The following NTM variants were observed in gnomAD, a reference collection of about 807,000 sequenced individuals.
NTM encodes IgLON family member 2.
Under a neutral mutation model 42.1 loss-of-function variants are expected in NTM, and 13 were observed. That is an observed-to-expected ratio of 0.31 (90% CI 0.20 to 0.49). The LOEUF (loss-of-function observed/expected upper bound fraction) is 0.49, where lower values mean the gene tolerates loss of function less well. Among genes scored for constraint, NTM ranks in the 20% least tolerant of loss-of-function variants. The pLI is 0.99. For synonymous variants in NTM, 187 were observed against 179.2 expected (o/e 1.04, Z -0.35); for missense variants, 373 against 452.8 (o/e 0.82, Z 1.60).
intron 1 of NTM, among the ~76,000 whole-genome samples, chr11:131,544,325 C>T (rs182103512): frequency 1.3e-5 from 2 of 152,278 alleles, no homozygotes; most frequent in East Asian, 1.9e-4. Flanking sequence ...TCCCTTCGTC[C>T]TCTGGGGAAG....
At chr11:131,754,670 C>A (rs1369793468) in intron 1 of NTM, among the ~76,000 whole-genome samples, 3 of 151,884 alleles carry the variant, frequency 2.0e-5, no homozygotes, top group Non-Finnish European at 4.4e-5. Context: ...ATAACCCAAC[C>A]ATTTCACATC....
At chr11:131,867,986 C>T (rs1020264343) in intron 1 of NTM, among the ~76,000 whole-genome samples, 2 of 152,068 alleles carry the variant, frequency 1.3e-5, no homozygotes, top group Non-Finnish European at 2.9e-5. Context: ...GAGAGGAAAC[C>T]CCAAACACAC....
chr11:131,619,524 G>A (rs1043464465), intron 1 of NTM, among the ~76,000 whole-genome samples: 1 of 152,202 alleles, frequency 6.6e-6, no homozygotes, highest in Non-Finnish European at 1.5e-5. Flanking sequence ...TATGGATTTA[G>A]TACTACGTTG....
chr11:131,775,982 G>A (rs534594585), intron 1 of NTM, among the ~76,000 whole-genome samples: 2 of 152,234 alleles, frequency 1.3e-5, no homozygotes, highest in African/African-American at 2.4e-5. Context: ...CAGCATCCAC[G>A]GGCCAGGAAA....
chr11:131,533,615 G>T (rs968902003), intron 1 of NTM, among the ~76,000 whole-genome samples: 4 of 152,202 alleles, frequency 2.6e-5, no homozygotes, highest in Non-Finnish European at 5.9e-5. Flanking sequence ...ATTGAGGTGG[G>T]CTTAGAGCAT....
intron 1 of NTM, among the ~76,000 whole-genome samples, chr11:131,381,859 A>G (rs1287965498): frequency 2.0e-5 from 3 of 152,198 alleles, no homozygotes; most frequent in African/African-American, 7.2e-5. Flanking sequence ...TTCTCCTGGC[A>G]CAGGTCAGAA....
rs529769831 is a variant in NTM at position 131,748,929 on chromosome 11, G to C, written c.83-162635G>C. On this transcript the variant is annotated intron_variant, in intron 1 of 8. Transcript: ENST00000683400. ...GGCTTTTGACATCAGAGGGGCCCCG[G>C]CTCGGCCTTTCTCTTGGGTGTACCT... 3.7e-3 allele frequency among the ~76,000 whole-genome samples: 570 copies of C among 152,252 alleles called. 6 individuals carry two copies. The highest frequency in any genetic ancestry group is 0.013 in the African/African-American group (540 of 41,546).
intron 4 of NTM, among the ~76,000 whole-genome samples, chr11:132,263,868 G>A (rs974810712): frequency 7.2e-5 from 11 of 152,070 alleles, no homozygotes; most frequent in African/African-American, 9.7e-5. Flanking sequence ...CTGAAATCTC[G>A]TCAGAACGGC....
intron 1 of NTM, among the ~76,000 whole-genome samples, chr11:131,670,692 C>G (rs956948469): frequency 6.6e-6 from 1 of 152,174 alleles, no homozygotes; most frequent in African/African-American, 2.4e-5. Context: ...GTGTCCCCTT[C>G]TCCTCCCTGC....
At chr11:131,603,234 C>T (rs2060639884) in intron 1 of NTM, among the ~76,000 whole-genome samples, 1 of 152,102 alleles carries the variant, frequency 6.6e-6, no homozygotes, top group African/African-American at 2.4e-5. Context: ...CACGTGGGTC[C>T]TCTCCATCCC....
chr11:131,584,875 C>G (rs1353213562), intron 1 of NTM, among the ~76,000 whole-genome samples: 1 of 152,192 alleles, frequency 6.6e-6, no homozygotes, highest in Admixed American at 6.5e-5. Context: ...GGGCCTCCCC[C>G]TCTCAGTGCT....
chr11:132,133,922 T>C (rs2067262413), intron 2 of NTM, among the ~76,000 whole-genome samples: 1 of 152,230 alleles, frequency 6.6e-6, no homozygotes, highest in Admixed American at 6.5e-5. Context: ...CTGACTCTAG[T>C]CTTTCTTCCT....
chr11:132,088,455 T>C (rs534855045), intron 2 of NTM, among the ~76,000 whole-genome samples: 225 of 152,258 alleles, frequency 1.5e-3, no homozygotes, highest in African/African-American at 5.1e-3. Context: ...ATTAGGTACA[T>C]GGACACACTG....
chr11:131,477,122 G>C lies in NTM; in HGVS notation c.82+106234G>C, dbSNP rs147813759. On this transcript the variant is annotated intron_variant, in intron 1 of 8. Coordinates refer to ENST00000683400, the MANE Select transcript of NTM (RefSeq NM_001352005.2). ...AGGAGAAAGGGTAATGCTTGGAGGAGAAAGGCGAATGCAGAACCCCAGATG... is the reference window on the plus strand; with the variant it reads ...AGGAGAAAGGGTAATGCTTGGAGGACAAAGGCGAATGCAGAACCCCAGATG... Among the ~76,000 whole-genome samples the C allele has an allele frequency of 5.5e-4, 83 of 152,246 alleles. No individual in the cohort carries two copies. In the East Asian group the frequency reaches 0.016, roughly 29 times the overall value.
Position 131,721,996 on chromosome 11 carries a change from CAAA to C in NTM, c.83-189544_83-189542del, listed in dbSNP as rs71475771. Among the ~76,000 whole-genome samples, 8 of 10,284 alleles carry C rather than the reference CAAA, an allele frequency of 7.8e-4. 1 individual carries two copies. Among genetic ancestry groups the C allele is most frequent in the African/African-American group, 2.3e-3 (8 of 3,500 alleles). 6.7% of individuals were successfully genotyped at this position (10,284 alleles called of 152,430 possible). A position where few individuals can be genotyped will look rare whatever the true frequency, so the allele number is the denominator to read the frequency against. On this transcript the variant is annotated intron_variant, in intron 1 of 8. Transcript: ENST00000683400. The stretch of plus-strand genomic sequence containing the variant: ...CCAGGACAAGAGTGAAACTCTGTCT[CAAA>C]AAAAAAAAAAAAAAAAAAAAAAAGA...
intron 1 of NTM, among the ~76,000 whole-genome samples, chr11:131,387,539 G>A (rs1354797137): frequency 6.6e-6 from 1 of 152,194 alleles, no homozygotes; most frequent in Non-Finnish European, 1.5e-5. Flanking sequence ...AATTTAAGAG[G>A]CTGAGAAAGG....
intron 4 of NTM, among the ~76,000 whole-genome samples, chr11:132,283,280 G>A (rs1305507580): frequency 1.3e-5 from 2 of 151,968 alleles, no homozygotes; most frequent in East Asian, 1.9e-4. Context: ...CCACCGCTCC[G>A]GGTCAACAGG....
chr11:132,120,271 A>G (rs2064573086), intron 2 of NTM, among the ~76,000 whole-genome samples: 1 of 152,190 alleles, frequency 6.6e-6, no homozygotes, highest in Non-Finnish European at 1.5e-5. Flanking sequence ...CTCTCAATAT[A>G]TGGGACCAAG....
intron 1 of NTM, among the ~76,000 whole-genome samples, chr11:131,689,189 A>G (rs376350225): frequency 1.3e-5 from 2 of 152,302 alleles, no homozygotes; most frequent in South Asian, 4.1e-4. Context: ...CCTGGGAGCC[A>G]GTGCACTGCC....
Sources: allele counts gnomAD v4.1 joint callset (sites outside exome capture counted in the v4.1 genomes callset), GRCh38; gene constraint gnomAD v4.1.1; transcripts MANE v1.5; gene names NCBI Gene and HGNC (gene_info 2026-07-23, HGNC 2026-07-21).